TYR: variants seen among roughly 807,000 people sequenced by gnomAD.
TYR encodes LB24-AB.
TYR carries 58 observed loss-of-function variants against 51.5 expected under a neutral mutation model. The ratio of observed to expected loss-of-function variants is 1.13; its 90% confidence interval spans 0.91 to 1.40. The LOEUF (loss-of-function observed/expected upper bound fraction) is 1.40, where lower values mean the gene tolerates loss of function less well. Ranked by LOEUF, TYR falls within the 40% of genes most tolerant of loss-of-function variation. TYR has a pLI of 0.00. For missense variants in TYR, 732 were observed against 647.4 expected, an observed-to-expected ratio of 1.13 and a Z score of -1.42; for synonymous variants, 263 against 235.2, an observed-to-expected ratio of 1.12 and a Z score of -1.08.
At chr11:89,271,931 T>C (rs1484740746) in intron 3 of TYR, among the ~76,000 whole-genome samples, 1 of 151,944 alleles carries the variant, frequency 6.6e-6, no homozygotes, top group Non-Finnish European at 1.5e-5. Context: ...AATTTTATTA[T>C]GGGATTGAAT....
At chr11:89,265,761 A>G (rs1167420978) in intron 3 of TYR, among the ~76,000 whole-genome samples, 2 of 152,094 alleles carry the variant, frequency 1.3e-5, no homozygotes, top group African/African-American at 2.4e-5. Context: ...TAATAAAAAT[A>G]AAATAATCCA....
At chr11:89,195,161 G>A (rs1394542221) in intron 2 of TYR, among the ~76,000 whole-genome samples, 1 of 152,056 alleles carries the variant, frequency 6.6e-6, no homozygotes, top group East Asian at 1.9e-4. Flanking sequence ...CATATGAAAT[G>A]GAATTGTTAC....
intron 3 of TYR, among the ~76,000 whole-genome samples, chr11:89,237,897 G>T (rs898998898): frequency 6.6e-6 from 1 of 151,888 alleles, no homozygotes; most frequent in Non-Finnish European, 1.5e-5. Flanking sequence ...GTGCAGTGAC[G>T]TGATCTTGGC....
rs553774660 is a variant in TYR, at chr11:89,178,097, G to T, written c.144G>T (p.Gln48His). The T allele has an allele frequency of 6.2e-7, 1 of 1,614,226 alleles. No individual in the cohort carries two copies. Among genetic ancestry groups the T allele is most frequent in the Admixed American group, 1.7e-5 (1 of 60,032 alleles). ...GCGGGGACAGGAGTCCCTGTGGCCA[G>T]CTTTCAGGCAGAGGTTCCTGTCAGA... ...PWSGDRSPCG[Q>H]LSGRGSCQNI... Residue 48 changes from glutamine to histidine, a missense_variant, in exon 1 of 5, where the codon CAG becomes CAT. By Grantham distance (24) the Gln-to-His change is conservative (BLOSUM62 0). Coordinates refer to ENST00000263321, the MANE Select transcript of TYR (RefSeq NM_000372.5).
At chr11:89,249,227 A>G (rs1328378995) in intron 3 of TYR, among the ~76,000 whole-genome samples, 10 of 152,224 alleles carry the variant, frequency 6.6e-5, no homozygotes, top group Admixed American at 6.6e-4. Flanking sequence ...AGCATTAATC[A>G]CTTCGTGTTA....
chr11:89,231,344 C>T (rs561372040), intron 3 of TYR, among the ~76,000 whole-genome samples: 4 of 106,000 alleles, frequency 3.8e-5, no homozygotes, highest in South Asian at 6.5e-4. Flanking sequence ...ATCTGAACTT[C>T]CAAGTTCATT....
chr11:89,231,654 A>T (rs1364967134), intron 3 of TYR, among the ~76,000 whole-genome samples: 2 of 142,074 alleles, frequency 1.4e-5, no homozygotes, highest in Non-Finnish European at 3.0e-5. Flanking sequence ...GGTGGGTTGG[A>T]GGGAAGTTGG....
At chr11:89,262,866 A>AG (rs1944477128) in intron 3 of TYR, among the ~76,000 whole-genome samples, 1 of 146,764 alleles carries the variant, frequency 6.8e-6, no homozygotes, top group South Asian at 2.1e-4. Context: ...AAAAAAAAAA[A>AG]AAAAAACAAC....
intron 2 of TYR, among the ~76,000 whole-genome samples, chr11:89,205,922 T>C (rs540462181): frequency 7.0e-4 from 107 of 152,302 alleles, no homozygotes; most frequent in African/African-American, 2.5e-3. Context: ...AATAAGGTTT[T>C]ACACTTAATT....
intron 2 of TYR, among the ~76,000 whole-genome samples, chr11:89,222,436 T>C (rs1943923969): frequency 6.6e-6 from 1 of 152,100 alleles, no homozygotes; most frequent in South Asian, 2.1e-4. Flanking sequence ...GATCAACTAG[T>C]TGCAATTTTC....
At chr11:89,255,846 A>T (rs1944384618) in intron 3 of TYR, among the ~76,000 whole-genome samples, 1 of 151,546 alleles carries the variant, frequency 6.6e-6, no homozygotes, top group Admixed American at 6.6e-5. Context: ...GTCTTTTTTT[A>T]AGAGGCAGCT....
chr11:89,178,851 C>T (rs1943264498), intron 1 of TYR, 79 bp downstream of exon 1: 3 of 1,404,316 alleles, frequency 2.1e-6, no homozygotes, highest in Admixed American at 1.7e-5. Flanking sequence ...ATAAACTTCT[C>T]ACCTGAACAC....
At chr11:89,201,198 A>G (rs2135261403) in intron 2 of TYR, among the ~76,000 whole-genome samples, 1 of 151,958 alleles carries the variant, frequency 6.6e-6, no homozygotes, top group Non-Finnish European at 1.5e-5. Flanking sequence ...TTTTTGCTTG[A>G]AAACTCAAAT....
intron 4 of TYR, 121 bp downstream of exon 4, chr11:89,285,075 A>G (rs1017717896): frequency 7.8e-5 from 62 of 799,420 alleles, no homozygotes; most frequent in South Asian, 3.3e-4. Flanking sequence ...CTGAAAGTGC[A>G]TTATAATCCT....
chr11:89,217,604 A>G (rs1170779686), intron 2 of TYR, among the ~76,000 whole-genome samples: 1 of 152,144 alleles, frequency 6.6e-6, no homozygotes, highest in Admixed American at 6.6e-5. Context: ...GAGTTAAGGG[A>G]AAGTGGTTTT....
At chr11:89,239,414 T>C (rs1045308397) in intron 3 of TYR, among the ~76,000 whole-genome samples, 2 of 152,096 alleles carry the variant, frequency 1.3e-5, no homozygotes, top group African/African-American at 4.8e-5. Flanking sequence ...TTGTAATGTC[T>C]CCTCTTTCAT....
chr11:89,245,754 C>T (rs553050514), intron 3 of TYR, among the ~76,000 whole-genome samples: 2 of 152,092 alleles, frequency 1.3e-5, no homozygotes, highest in South Asian at 2.1e-4. Context: ...AACTCGGTCT[C>T]TACTAAAAAT....
chr11:89,282,468 G>T (rs930754855), intron 3 of TYR, among the ~76,000 whole-genome samples: 3 of 151,750 alleles, frequency 2.0e-5, no homozygotes, highest in African/African-American at 7.3e-5. Context: ...CAGGTAGAGT[G>T]TTGTGGATGC....
intron 2 of TYR, among the ~76,000 whole-genome samples, chr11:89,214,756 G>T (rs12418178): frequency 0.19 from 29,134 of 151,968 alleles, 3,657 homozygotes; most frequent in African/African-American, 0.36. Context: ...AAATATCAGA[G>T]CCAAGGGATG....
Sources: allele counts gnomAD v4.1 joint callset (sites outside exome capture counted in the v4.1 genomes callset), GRCh38; gene constraint gnomAD v4.1.1; transcripts MANE v1.5; gene names NCBI Gene and HGNC (gene_info 2026-07-23, HGNC 2026-07-21).